The following AZIN1 variants were observed in gnomAD, a reference collection of about 807,000 sequenced individuals.
AZIN1 encodes the protein antizyme inhibitor 1.
In AZIN1, 12 loss-of-function variants were observed where a neutral mutation model predicts 47.4. The ratio of observed to expected loss-of-function variants is 0.25; its 90% CI spans 0.16 to 0.41. The LOEUF (loss-of-function observed/expected upper bound fraction) is 0.41. Among genes scored for constraint, AZIN1 ranks in the 10% least tolerant of loss-of-function variants. AZIN1 has a pLI of 1.00. For synonymous variants in AZIN1, 155 were observed against 176.3 expected (o/e 0.88, Z 0.96); for missense variants, 410 against 532.4 (o/e 0.77, Z 2.26).
chr8:102,843,205 CAAAA>C (rs10713233), intron 3 of AZIN1, among the ~76,000 whole-genome samples: 3 of 97,234 alleles, frequency 3.1e-5, no homozygotes, highest in Admixed American at 1.2e-4. Context: ...GACTCGTCTC[CAAAA>C]AAAAAAAAAA....
In AZIN1 at chr8:102,827,247, C is replaced by T. The variant is rs1424978766; in HGVS notation, c.*1320G>A. On this transcript the variant is annotated 3_prime_UTR_variant, in exon 12 of 12. Coordinates refer to ENST00000337198, the MANE Select transcript of AZIN1 (RefSeq NM_148174.4). ...TTTATTACTATTGTGATTCTGAGAT[C>T]TAGGATTTCTAATATACTAGCAGTA... is the stretch of plus-strand genomic sequence containing the variant. The T allele has an allele frequency of 2.0e-5, 3 of 152,430 alleles. No individual in the cohort carries two copies. The highest frequency in any genetic ancestry group is 4.4e-5 in the Non-Finnish European group (3 of 68,020). 9.4% of individuals were successfully genotyped at this position (152,430 alleles called of 1,614,324 possible).
At chr8:102,835,648 A>G (rs1468320201) in intron 6 of AZIN1, among the ~76,000 whole-genome samples, 1 of 152,242 alleles carries the variant, frequency 6.6e-6, no homozygotes, top group Non-Finnish European at 1.5e-5. Context: ...TACTATCTCA[A>G]AAAATAAATA....
At chr8:102,859,406 A>G (rs1283570331) in intron 1 of AZIN1, among the ~76,000 whole-genome samples, 4 of 152,210 alleles carry the variant, frequency 2.6e-5, no homozygotes, top group African/African-American at 4.8e-5. Context: ...ATCCACAGCT[A>G]TTTTGCTGCT....
chr8:102,859,130 TAGG>T (rs35945577), intron 1 of AZIN1: 1 of 151,814 alleles, frequency 6.6e-6, no homozygotes, highest in Non-Finnish European at 1.5e-5. Flanking sequence ...TTCATCTATC[TAGG>T]AGAAGCTGAT....
chr8:102,863,711 CT>C (rs1396097590), intron 1 of AZIN1, 95 bp downstream of exon 1: 3 of 151,594 alleles, frequency 2.0e-5, no homozygotes, highest in Non-Finnish European at 4.4e-5. Flanking sequence ...GCGGGGACGT[CT>C]TAAGGGCGGC....
At chr8:102,830,973 T>C (rs1473587074) in intron 9 of AZIN1, among the ~76,000 whole-genome samples, 2 of 152,140 alleles carry the variant, frequency 1.3e-5, no homozygotes, top group Non-Finnish European at 2.9e-5. Flanking sequence ...TTTGAAACCT[T>C]TGAAAACGCC....
Position 102,829,340 on chromosome 8 carries a change from G to A in AZIN1, c.1167C>T (p.Phe389=). 6.2e-7 allele frequency: 1 copy of A among 1,613,970 alleles called. No individual in the cohort carries two copies. Among genetic ancestry groups the A allele is most frequent in the East Asian group, 2.2e-5 (1 of 44,872 alleles). ...AATCATTAAAAGCAGATGGTTCATG[G>A]AAAGAATCTGCTCCCATGTTATCAA... ...LIFDNMGADS[F]HEPSAFNDFQ... is the part of the protein sequence containing the mutation. Residue 389 remains phenylalanine (F), a synonymous_variant, in exon 11 of 12, where the codon TTC becomes TTT. Coordinates refer to ENST00000337198, the MANE Select transcript of AZIN1 (RefSeq NM_148174.4).
At position 102,829,379 on chromosome 8, in the gene AZIN1, T is replaced by A. The variant is rs1310146139; in HGVS notation, c.1128A>T (p.Gly376=). Residue 376 remains glycine (G), a synonymous_variant, in exon 11 of 12, where the codon GGA becomes GGT. Transcript: ENST00000337198. ...CCATGTTATCAAAGATAAGCCAATC[T>A]CCCACATTCAGCTCAGGAAGAAGAC... ...ESCLLPELNV[G]DWLIFDNMGA... The A allele has an allele frequency of 6.2e-7, 1 of 1,614,016 alleles. No homozygotes were observed. Among genetic ancestry groups the A allele is most frequent in the Admixed American group, 1.7e-5 (1 of 60,014 alleles).
chr8:102,857,771 A>G (rs1467882751), intron 2 of AZIN1, among the ~76,000 whole-genome samples: 1 of 152,038 alleles, frequency 6.6e-6, no homozygotes, highest in Non-Finnish European at 1.5e-5. Context: ...TCTTCAACGT[A>G]TATTTTCTAA....
chr8:102,833,359 A>ATC (rs891970812), intron 8 of AZIN1, 141 bp from the exon 9 acceptor site: 3 of 619,548 alleles, frequency 4.8e-6, no homozygotes, highest in Middle Eastern at 3.9e-4. Flanking sequence ...CTTTGTAGTT[A>ATC]TCTCCAAGCA....
At chr8:102,849,971 G>A (rs1408289342) in intron 2 of AZIN1, 2 of 152,186 alleles carry the variant, frequency 1.3e-5, no homozygotes. Flanking sequence ...AGTGGCTGCA[G>A]GAGCTGGGCA....
At chr8:102,862,863 G>T (rs901736691) in intron 1 of AZIN1, among the ~76,000 whole-genome samples, 5 of 152,198 alleles carry the variant, frequency 3.3e-5, no homozygotes, top group African/African-American at 1.2e-4. Context: ...CAGCAGCTTT[G>T]TCTACGAAAC....
At chr8:102,853,361 G>T (rs1813048186) in intron 2 of AZIN1, among the ~76,000 whole-genome samples, 2 of 152,162 alleles carry the variant, frequency 1.3e-5, no homozygotes. Flanking sequence ...AATTAGTCGG[G>T]CATGGTGGTG....
At chr8:102,847,256 T>C (rs949254335) in intron 2 of AZIN1, among the ~76,000 whole-genome samples, 1 of 151,804 alleles carries the variant, frequency 6.6e-6, no homozygotes, top group Non-Finnish European at 1.5e-5. Flanking sequence ...AATAAAGTAG[T>C]TGATTGAACC....
At chr8:102,856,962 A>G (rs539201577) in intron 2 of AZIN1, among the ~76,000 whole-genome samples, 7 of 152,344 alleles carry the variant, frequency 4.6e-5, no homozygotes, top group African/African-American at 1.7e-4. Context: ...AAGGACAGTA[A>G]TACACTCAAA....
At chr8:102,844,877 G>A (rs1165391456) in intron 2 of AZIN1, among the ~76,000 whole-genome samples, 1 of 152,028 alleles carries the variant, frequency 6.6e-6, no homozygotes, top group East Asian at 1.9e-4. Context: ...CACTCCCCCG[G>A]AGCACTCATT....
chr8:102,843,438 CAGAT>C (rs1812351745), intron 3 of AZIN1, 109 bp downstream of exon 3: 1 of 853,462 alleles, frequency 1.2e-6, no homozygotes, highest in Non-Finnish European at 1.8e-6. Context: ...CAAGTTAAAT[CAGAT>C]AGCATATGAA....
rs1811707734 is a variant in AZIN1 at position 102,834,731 on chromosome 8, C to T, written c.601G>A (p.Ala201Thr). 6.2e-7 allele frequency: 1 copy of T among 1,611,214 alleles called. No individual in the cohort carries two copies. Among genetic ancestry groups the T allele is most frequent in the Non-Finnish European group, 8.5e-7 (1 of 1,178,222 alleles). ...IIGVKFHVSSACKESQVYVHA... is the reference protein window; with the variant it reads ...IIGVKFHVSSTCKESQVYVHA... ...ACATATACTTGAGATTCTTTGCAAG[C>T]ACTCGAAACATGAAATCTGAAACAC... Residue 201 changes from alanine (A) to threonine (T), a missense_variant, in exon 7 of 12, where the codon GCT becomes ACT. By Grantham distance (58) the Ala-to-Thr change is moderately conservative (BLOSUM62 0). This residue lies in a region of AZIN1 where 237 missense variants were observed against 309.4 expected (regional missense o/e 0.77). Coordinates refer to ENST00000337198, the MANE Select transcript of AZIN1 (RefSeq NM_148174.4).
intron 3 of AZIN1, 149 bp downstream of exon 3, chr8:102,843,402 G>A (rs1812349303): frequency 1.6e-6 from 1 of 623,050 alleles, no homozygotes; most frequent in Non-Finnish European, 2.8e-6. Flanking sequence ...CACTACTCAA[G>A]GGGAGTGGGT....
Sources: gnomAD v4.1 joint callset for allele counts (sites outside exome capture counted in the v4.1 genomes callset) on GRCh38, gnomAD v4.1.1 for gene constraint, gnomAD v4.1.1 regional missense constraint, MANE v1.5 for transcripts, NCBI Gene and HGNC (gene_info 2026-07-23, HGNC 2026-07-21) for gene names.